Variants in GDAP1 observed in about 807,000 individuals in gnomAD.
The protein encoded by GDAP1 is ganglioside induced differentiation associated protein 1.
GDAP1 carries 34 observed loss-of-function variants against 40.1 expected under a neutral mutation model. The ratio of observed to expected loss-of-function variants is 0.85; its 90% CI spans 0.64 to 1.13. The LOEUF (loss-of-function observed/expected upper bound fraction) is 1.13. GDAP1 is among the 50% of genes most tolerant of loss of function. The pLI, the probability that GDAP1 is intolerant of heterozygous loss-of-function variation, is 0.00. For missense variants in GDAP1, 374 were observed against 433.7 expected, an observed-to-expected ratio of 0.86 and a Z score of 1.22; for synonymous variants, 170 against 157.4, an observed-to-expected ratio of 1.08 and a Z score of -0.60.
At position 74,364,857 on chromosome 8, in the gene GDAP1, A is replaced by T. The variant is rs1296519281; in HGVS notation, c.*490A>T. On this transcript the variant is annotated 3_prime_UTR_variant, in exon 6 of 6. Transcript: ENST00000220822. Reference sequence around the variant, plus strand: ...TTAATTTTAAATGCTTATGAATCACACACATTGCTTTAGTAAGATTAAGTG... The same window carrying T: ...TTAATTTTAAATGCTTATGAATCACTCACATTGCTTTAGTAAGATTAAGTG... 4.4e-6 allele frequency: 2 copies of T among 454,372 alleles called. No homozygotes were observed. Among genetic ancestry groups the T allele is most frequent in the East Asian group, 1.4e-4 (2 of 14,408 alleles). 28.1% of individuals were successfully genotyped at this position (454,372 alleles called of 1,614,324 possible).
intron 2 of GDAP1, among the ~76,000 whole-genome samples, chr8:74,472,053 C>T (rs1337018541): frequency 5.9e-5 from 9 of 152,092 alleles, no homozygotes; most frequent in African/African-American, 2.2e-4. Flanking sequence ...GGTACTAAGC[C>T]TAGTACCCAA....
At chr8:74,457,414 G>A (rs968929725) in intron 2 of GDAP1, among the ~76,000 whole-genome samples, 2 of 151,934 alleles carry the variant, frequency 1.3e-5, no homozygotes, top group Non-Finnish European at 2.9e-5. Context: ...CAAAATTAAG[G>A]GCCAGAGTAT....
Position 74,363,955 on chromosome 8 carries a change from C to T in GDAP1, c.695-30C>T, listed in dbSNP as rs770104127. On this transcript the variant is annotated intron_variant, in intron 5 of 5. Coordinates refer to ENST00000220822, the MANE Select transcript of GDAP1 (RefSeq NM_018972.4). ...GAGTCTGTCTGTAGAGTGCTTGCCT[C>T]TAATTCTCTATGTCCCTTTCTCTAA... 8 of 1,610,470 alleles carry T rather than the reference C, an allele frequency of 5.0e-6. No homozygotes were observed. The Admixed American group carries it at 8.3e-5, about 17-fold the overall frequency.
At chr8:74,470,224 T>G (rs1806532483) in intron 2 of GDAP1, among the ~76,000 whole-genome samples, 1 of 152,152 alleles carries the variant, frequency 6.6e-6, no homozygotes, top group Non-Finnish European at 1.5e-5. Context: ...CTTTTAAAAT[T>G]TCCTCTGTTT....
intron 2 of GDAP1, among the ~76,000 whole-genome samples, chr8:74,436,844 A>G (rs1806095453): frequency 6.6e-6 from 1 of 152,164 alleles, no homozygotes; most frequent in Admixed American, 6.5e-5. Context: ...AAAAAACCCT[A>G]AAGGTTAAAT....
intron 2 of GDAP1, among the ~76,000 whole-genome samples, chr8:74,408,514 C>T (rs956409238): frequency 1.3e-5 from 2 of 150,128 alleles, no homozygotes; most frequent in South Asian, 2.1e-4. Flanking sequence ...CCCTTTCCAA[C>T]TAGTCTTTCA....
At chr8:74,437,755 T>C (rs528145083) in intron 2 of GDAP1, among the ~76,000 whole-genome samples, 22 of 149,840 alleles carry the variant, frequency 1.5e-4, no homozygotes, top group Admixed American at 2.6e-4. Flanking sequence ...TAAATCATAT[T>C]ATAAGTCAAC....
chr8:74,430,573 G>A (rs1190232969), intron 2 of GDAP1, among the ~76,000 whole-genome samples: 1 of 152,096 alleles, frequency 6.6e-6, no homozygotes, highest in African/African-American at 2.4e-5. Context: ...ATATACAAGG[G>A]AAGAATAAGC....
At chr8:74,367,483 T>C (rs907664583), downstream of GDAP1, among the ~76,000 whole-genome samples, 16 of 152,080 alleles carry the variant, frequency 1.1e-4, no homozygotes, top group Non-Finnish European at 1.8e-4. Flanking sequence ...TGAATACTTA[T>C]GGAAAGTCAC....
rs528186775 is a variant in GDAP1 at position 74,386,000 on chromosome 8, C to T, written c.165+34679C>T. Among the ~76,000 whole-genome samples the T allele has an allele frequency of 9.9e-5, 15 of 152,236 alleles. No individual in the cohort carries two copies. In the East Asian group the frequency reaches 2.7e-3, roughly 27 times the overall value. ...ATAAATGCCTTCTTTTGAGATCTGTCTGTTTCATATCCTTCACCCACTTTT... is the reference window on the plus strand; with the variant it reads ...ATAAATGCCTTCTTTTGAGATCTGTTTGTTTCATATCCTTCACCCACTTTT... On this transcript the variant is annotated intron_variant, in intron 2 of 2. Transcript: ENST00000523640.
At chr8:74,393,971 T>C (rs1205790226) in intron 2 of GDAP1, among the ~76,000 whole-genome samples, 5 of 152,216 alleles carry the variant, frequency 3.3e-5, no homozygotes, top group African/African-American at 1.2e-4. Context: ...TCTGCTTATA[T>C]AACTCCATTC....
chr8:74,427,347 T>C (rs775320623), intron 2 of GDAP1, among the ~76,000 whole-genome samples: 1 of 152,122 alleles, frequency 6.6e-6, no homozygotes, highest in Non-Finnish European at 1.5e-5. Context: ...TCCTGACCCA[T>C]AGAATTGTGA....
downstream of GDAP1, among the ~76,000 whole-genome samples, chr8:74,369,928 G>T (rs1035661113): frequency 6.6e-6 from 1 of 152,178 alleles, no homozygotes; most frequent in Admixed American, 6.5e-5. Flanking sequence ...GGGTGGGAAG[G>T]GGTGGTGAGG....
chr8:74,360,794 TC>T (rs1158039156), intron 3 of GDAP1, among the ~76,000 whole-genome samples: 2 of 152,234 alleles, frequency 1.3e-5, no homozygotes, highest in African/African-American at 4.8e-5. Context: ...AGTTGTGACA[TC>T]CAGCTTTCTG....
intron 2 of GDAP1, among the ~76,000 whole-genome samples, chr8:74,415,536 C>G (rs1355652253): frequency 1.3e-5 from 2 of 150,102 alleles, no homozygotes; most frequent in Non-Finnish European, 2.9e-5. Flanking sequence ...AGGCAGAAAA[C>G]TGTAAGTCCA....
chr8:74,464,774 T>C (rs1003301942), intron 2 of GDAP1, among the ~76,000 whole-genome samples: 8 of 152,200 alleles, frequency 5.3e-5, no homozygotes, highest in Non-Finnish European at 1.2e-4. Flanking sequence ...AGTCATGCCA[T>C]ATTTAGGGAA....
intron 2 of GDAP1, among the ~76,000 whole-genome samples, chr8:74,396,305 CTTT>C (rs1433854613): frequency 6.6e-6 from 1 of 151,386 alleles, no homozygotes; most frequent in African/African-American, 2.4e-5. Context: ...AAATAAAAAG[CTTT>C]TATTTTTATT....
intron 2 of GDAP1, among the ~76,000 whole-genome samples, chr8:74,390,483 C>T (rs1810091103): frequency 6.6e-6 from 1 of 152,222 alleles, no homozygotes; most frequent in Admixed American, 6.5e-5. Context: ...ACTCCACACC[C>T]TGTTTCCCTG....
At chr8:74,427,303 G>A (rs948373675) in intron 2 of GDAP1, among the ~76,000 whole-genome samples, 17 of 152,140 alleles carry the variant, frequency 1.1e-4, no homozygotes, top group African/African-American at 3.9e-4. Context: ...AACCAGCATA[G>A]AAAATGCTCA....
Sources: allele counts gnomAD v4.1 joint callset (sites outside exome capture counted in the v4.1 genomes callset), GRCh38; gene constraint gnomAD v4.1.1; transcripts MANE v1.5; gene names NCBI Gene and HGNC (gene_info 2026-07-23, HGNC 2026-07-21).